HS6ST2: variants seen among roughly 807,000 people sequenced by gnomAD.
HS6ST2 encodes heparan sulfate 6-O-sulfotransferase 2, also known as heparan-sulfate 6-O-sulfotransferase 2.
In HS6ST2, 17 loss-of-function variants were observed where a neutral mutation model predicts 33.0. The ratio of observed to expected loss-of-function variants is 0.52; its 90% CI spans 0.35 to 0.77. The LOEUF (loss-of-function observed/expected upper bound fraction) is 0.77. Ranked by LOEUF, HS6ST2 falls within the 30% of genes least tolerant of loss-of-function variation. The pLI is 0.01. For missense variants in HS6ST2, 519 were observed against 551.7 expected (o/e 0.94, Z 0.59); for synonymous variants, 248 against 237.1 (o/e 1.05, Z -0.42).
intron 2 of HS6ST2, among the ~76,000 whole-genome samples, chrX:132,792,280 A>G (rs1403040533): frequency 2.7e-5 from 3 of 111,850 alleles, no homozygotes; most frequent in Non-Finnish European, 5.6e-5. Context: ...CATGGCATCA[A>G]TGCTCTTCAA....
intron 4 of HS6ST2, among the ~76,000 whole-genome samples, chrX:132,663,642 A>G (rs1004889446): frequency 8.9e-6 from 1 of 112,945 alleles, no homozygotes; most frequent in Non-Finnish European, 1.9e-5. Context: ...AGCTAAACTA[A>G]GGAACTATTG....
chrX:132,926,479 C>T (rs964921485), intron 2 of HS6ST2, among the ~76,000 whole-genome samples: 1 of 112,663 alleles, frequency 8.9e-6, no homozygotes, highest in African/African-American at 3.2e-5. Flanking sequence ...CCAGAACAGC[C>T]TCTTCCAATC....
chrX:132,736,346 G>C (rs753201499), intron 2 of HS6ST2, among the ~76,000 whole-genome samples: 3 of 112,049 alleles, frequency 2.7e-5, no homozygotes, highest in African/African-American at 9.7e-5. Flanking sequence ...AGTCTCCTGA[G>C]TGTCCCATCA....
At chrX:132,670,418 G>A (rs1485855095) in intron 3 of HS6ST2, among the ~76,000 whole-genome samples, 2 of 111,143 alleles carry the variant, frequency 1.8e-5, no homozygotes, top group African/African-American at 6.5e-5. Flanking sequence ...GGTTCCTGGT[G>A]ATTGCAAAGG....
chrX:132,862,960 C>T (rs1260463035), intron 2 of HS6ST2, among the ~76,000 whole-genome samples: 3 of 112,134 alleles, frequency 2.7e-5, no homozygotes, highest in Non-Finnish European at 5.6e-5. Flanking sequence ...GCTGAGGAAG[C>T]TGAGGAAATT....
At chrX:132,738,964 GA>G (rs751461248) in intron 2 of HS6ST2, among the ~76,000 whole-genome samples, 15 of 112,152 alleles carry the variant, frequency 1.3e-4, no homozygotes, top group Non-Finnish European at 2.8e-4. Context: ...TGGGAGTCAG[GA>G]AACCTGGACT....
intron 4 of HS6ST2, among the ~76,000 whole-genome samples, chrX:132,642,550 A>G (rs912073548): frequency 8.9e-6 from 1 of 111,977 alleles, no homozygotes; most frequent in Non-Finnish European, 1.9e-5. Context: ...TCACCTGGGA[A>G]AGTTTTTCCT....
intron 2 of HS6ST2, among the ~76,000 whole-genome samples, chrX:132,738,269 TGAATCTCA>T (rs2064528462): frequency 8.9e-6 from 1 of 112,732 alleles, no homozygotes; most frequent in African/African-American, 3.2e-5. Context: ...AGTAATGGAC[TGAATCTCA>T]GCTTCCTTTG....
chrX:132,870,776 T>C (rs1456275311), intron 2 of HS6ST2, among the ~76,000 whole-genome samples: 1 of 111,880 alleles, frequency 8.9e-6, no homozygotes, highest in East Asian at 2.8e-4. Flanking sequence ...CAAGATGGAT[T>C]AAAGACTTAA....
intron 2 of HS6ST2, among the ~76,000 whole-genome samples, chrX:132,946,075 C>A (rs1424922421): frequency 8.9e-6 from 1 of 111,872 alleles, no homozygotes; most frequent in Non-Finnish European, 1.9e-5. Flanking sequence ...CAATGAGATA[C>A]CATCTCACAC....
intron 2 of HS6ST2, among the ~76,000 whole-genome samples, chrX:132,757,246 A>G (rs2064764282): frequency 9.0e-6 from 1 of 111,582 alleles, no homozygotes; most frequent in Non-Finnish European, 1.9e-5. Context: ...CTCACCTCAA[A>G]TGTGTTACTA....
intron 2 of HS6ST2, among the ~76,000 whole-genome samples, chrX:132,869,517 A>G (rs967106970): frequency 2.7e-5 from 3 of 112,115 alleles, no homozygotes; most frequent in Admixed American, 9.5e-5. Flanking sequence ...AAAATCCTCA[A>G]TGAAATACTG....
chrX:132,749,471 C>T (rs746266540), intron 2 of HS6ST2, among the ~76,000 whole-genome samples: 54 of 112,386 alleles, frequency 4.8e-4, no homozygotes, highest in Non-Finnish European at 9.2e-4. Context: ...CATATTTGGC[C>T]GTGTTAGACT....
intron 2 of HS6ST2, among the ~76,000 whole-genome samples, chrX:132,767,061 T>A (rs988545241): frequency 4.5e-5 from 5 of 111,681 alleles, no homozygotes; most frequent in African/African-American, 1.6e-4. Context: ...CCATGCAAGA[T>A]CAGCCAGTTC....
rs144676620 is a variant in HS6ST2 at position 132,820,346 on chromosome X, T to C, written c.948-111852A>G. On this transcript the variant is annotated intron_variant, in intron 2 of 4. Transcript: ENST00000370833. ...CCAAGTCAAAGCAATCACCCCTATT[T>C]CAAAATGCAGAAAGTTGGGCATCGC... 8.1e-5 allele frequency among the ~76,000 whole-genome samples: 9 copies of C among 111,427 alleles called. No homozygotes were observed. The East Asian group carries it at 2.5e-3, about 31-fold the overall frequency.
chrX:132,823,853 AAAT>A lies in HS6ST2; in HGVS notation c.948-115362_948-115360del, dbSNP rs34008866. Among the ~76,000 whole-genome samples the A allele has an allele frequency of 1.6e-3, 151 of 92,497 alleles. 1 individual carries two copies. Among genetic ancestry groups the A allele is most frequent in the African/African-American group, 4.2e-3 (104 of 24,808 alleles). 80.3% of individuals were successfully genotyped at this position (92,497 alleles called of 115,157 possible). A position where few individuals can be genotyped will look rare whatever the true frequency, so the allele number is the denominator to read the frequency against. ...CTGGGCAAGAGTGAGACTTCATAAA[AAAT>A]AATAATAATAATAATAATAATAATA... On this transcript the variant is annotated intron_variant, in intron 2 of 4. Coordinates refer to ENST00000370833, the MANE Select transcript of HS6ST2 (RefSeq NM_001394073.1).
intron 2 of HS6ST2, among the ~76,000 whole-genome samples, chrX:132,714,914 G>A (rs1184242733): frequency 9.0e-6 from 1 of 111,522 alleles, no homozygotes. Context: ...GACATAATGA[G>A]CGAATTTGAG....
chrX:132,958,050 C>T lies in HS6ST2; in HGVS notation c.428+125G>A, dbSNP rs769912460. Reference sequence around the variant, plus strand: ...GCCGCACCCCTCCGGAGACCCTAGCCGGGCCACCAATGGCCAGCTGGAACT... The same window carrying T: ...GCCGCACCCCTCCGGAGACCCTAGCTGGGCCACCAATGGCCAGCTGGAACT... On this transcript the variant is annotated intron_variant, in intron 1 of 4. Transcript: ENST00000370833. The T allele has an allele frequency of 6.6e-5, 45 of 685,935 alleles. No homozygotes were observed. In the African/African-American group the frequency reaches 9.6e-4, roughly 15 times the overall value. The allele number at this position is 685,935 out of a possible 1,213,427, so 56.5% of individuals were successfully genotyped here. A position where few individuals can be genotyped will look rare whatever the true frequency, so the allele number is the denominator to read the frequency against.
At chrX:132,738,663 TA>T (rs201437112) in intron 2 of HS6ST2, among the ~76,000 whole-genome samples, 1,382 of 112,398 alleles carry the variant, frequency 0.012, 25 homozygotes, top group African/African-American at 0.043. Flanking sequence ...CAACGTTTCA[TA>T]AATATGGTTG....
Sources: allele counts gnomAD v4.1 joint callset (sites outside exome capture counted in the v4.1 genomes callset), GRCh38; gene constraint gnomAD v4.1.1; transcripts MANE v1.5; gene names NCBI Gene and HGNC (gene_info 2026-07-23, HGNC 2026-07-21).